RNF111: variants seen among roughly 807,000 people sequenced by gnomAD.
The protein encoded by RNF111 is ring finger protein 111, also known as E3 ubiquitin-protein ligase Arkadia.
A neutral mutation model predicts 95.1 loss-of-function variants in RNF111; 17 were observed. The observed-to-expected ratio is 0.18, with a 90% CI of 0.12 to 0.27. The LOEUF (loss-of-function observed/expected upper bound fraction) is 0.27, where lower values mean the gene tolerates loss of function less well. Ranked by LOEUF, RNF111 falls within the 10% of genes least tolerant of loss-of-function variation. The pLI is 1.00. For synonymous variants in RNF111, 440 were observed against 414.8 expected, an observed-to-expected ratio of 1.06 and a Z score of -0.74; for missense variants, 1,189 against 1,210.4, an observed-to-expected ratio of 0.98 and a Z score of 0.26.
At chr15:59,092,011 G>A (rs1019897455) in intron 12 of RNF111, among the ~76,000 whole-genome samples, 2 of 152,198 alleles carry the variant, frequency 1.3e-5, no homozygotes, top group Admixed American at 6.5e-5. Context: ...CTGGTTTGCA[G>A]CCCAGGGGTT....
At chr15:59,060,003 C>G (rs181715548) in intron 5 of RNF111, among the ~76,000 whole-genome samples, 1 of 152,092 alleles carries the variant, frequency 6.6e-6, no homozygotes, top group Non-Finnish European at 1.5e-5. Flanking sequence ...AGTATTCTCT[C>G]CCCTGGAAAA....
intron 6 of RNF111, among the ~76,000 whole-genome samples, 160 bp from the exon 7 acceptor site, chr15:59,075,794 T>G (rs753120680): frequency 2.6e-5 from 4 of 152,212 alleles, no homozygotes; most frequent in Non-Finnish European, 5.9e-5. Flanking sequence ...TAACCAAGTA[T>G]TTTGTTGGTG....
chr15:59,091,715 C>T lies in RNF111; in HGVS notation c.2739+561C>T, dbSNP rs149583828. On this transcript the variant is annotated intron_variant, in intron 12 of 13. Coordinates refer to ENST00000348370, the MANE Select transcript of RNF111 (RefSeq NM_017610.8). Reference sequence around the variant, plus strand: ...TGTCTTAAACCATGCTCAATACCAACGGTCCCCAACCTTTTTGACACCAGG... The same window carrying T: ...TGTCTTAAACCATGCTCAATACCAATGGTCCCCAACCTTTTTGACACCAGG... 4.6e-4 allele frequency among the ~76,000 whole-genome samples: 70 copies of T among 152,284 alleles called. No homozygotes were observed. In the East Asian group the frequency reaches 6.4e-3, roughly 14 times the overall value.
chr15:59,019,173 A>G (rs2040214650), intron 1 of RNF111, among the ~76,000 whole-genome samples: 1 of 150,148 alleles, frequency 6.7e-6, no homozygotes, highest in Admixed American at 6.6e-5. Context: ...CCCTGGGCTC[A>G]AGTGATCCAC....
intron 6 of RNF111, among the ~76,000 whole-genome samples, chr15:59,069,387 G>C (rs1309049824): frequency 1.3e-5 from 2 of 152,100 alleles, no homozygotes; most frequent in Non-Finnish European, 2.9e-5. Flanking sequence ...GGGTCTACCA[G>C]CTTTTCCTAC....
intron 4 of RNF111, among the ~76,000 whole-genome samples, chr15:59,056,761 A>G (rs1157079636): frequency 6.6e-6 from 1 of 152,190 alleles, no homozygotes; most frequent in Non-Finnish European, 1.5e-5. Flanking sequence ...AGCACTGTAA[A>G]TGATCTGTAA....
rs767750345 is a variant in RNF111, at chr15:59,031,446, G to C, written c.624G>C (p.Arg208=). ...CCTGTTTACATGGCAGTTCGTTACGGAGACTTCCATGCAGAAAGAGATTTG... is the reference window on the plus strand; with the variant it reads ...CCTGTTTACATGGCAGTTCGTTACGCAGACTTCCATGCAGAAAGAGATTTG... ...KRPCLHGSSL[R]RLPCRKRFVK... Residue 208 remains arginine, a synonymous_variant, in exon 2 of 14, where the codon CGG becomes CGC. Coordinates refer to ENST00000348370, the MANE Select transcript of RNF111 (RefSeq NM_017610.8). The C allele has an allele frequency of 5.0e-6, 8 of 1,614,200 alleles. No individual in the cohort carries two copies. The South Asian group carries it at 8.8e-5, about 18-fold the overall frequency.
chr15:59,051,685 C>T (rs971026478), intron 2 of RNF111, among the ~76,000 whole-genome samples: 6 of 151,502 alleles, frequency 4.0e-5, no homozygotes, highest in African/African-American at 1.5e-4. Flanking sequence ...ATGAGAATCA[C>T]TTGAACCCAG....
intron 3 of RNF111, among the ~76,000 whole-genome samples, chr15:59,053,856 A>G (rs1319003064): frequency 6.9e-6 from 1 of 145,184 alleles, no homozygotes; most frequent in Non-Finnish European, 1.5e-5. Flanking sequence ...TACATGACCC[A>G]TTGTTATATC....
In RNF111 at chr15:59,084,155, A is replaced by G; in HGVS notation, c.2324A>G (p.His775Arg). 6.2e-7 allele frequency: 1 copy of G among 1,608,086 alleles called. No individual in the cohort carries two copies. Among genetic ancestry groups the G allele is most frequent in the Non-Finnish European group, 8.5e-7 (1 of 1,177,298 alleles). The part of the protein sequence containing the change: ...PTRAHERPPP[H>R]PHRMHPNYGH... ...CGGGCACATGAACGCCCCCCACCCC[A>G]TCCACATAGGATGCACCCAAACTAT... Residue 775 changes from histidine (H) to arginine (R), a missense_variant, in exon 9 of 14, where the codon CAT becomes CGT. Physicochemically the swap from His to Arg is conservative, Grantham distance 29. Transcript: ENST00000348370.
chr15:59,003,774 T>C (rs2039425772), intron 1 of RNF111, among the ~76,000 whole-genome samples: 1 of 152,218 alleles, frequency 6.6e-6, no homozygotes. Flanking sequence ...GTAATTTCCA[T>C]GAGAGCAAAG....
At chr15:59,072,544 C>T (rs1373056567) in intron 6 of RNF111, among the ~76,000 whole-genome samples, 1 of 150,208 alleles carries the variant, frequency 6.7e-6, no homozygotes, top group Admixed American at 6.6e-5. Context: ...AGCTCCACCT[C>T]CCAGGTTCAT....
intron 1 of RNF111, among the ~76,000 whole-genome samples, chr15:59,011,974 A>G (rs572955501): frequency 4.1e-5 from 5 of 121,614 alleles, no homozygotes; most frequent in African/African-American, 6.3e-5. Flanking sequence ...TAAGTGGCTT[A>G]ATTTTAGTGT....
chr15:59,089,657 G>T lies in RNF111; in HGVS notation c.2551-10G>T. 6.2e-7 allele frequency: 1 copy of T among 1,603,172 alleles called. No individual in the cohort carries two copies. The highest frequency in any genetic ancestry group is 8.5e-7 in the Non-Finnish European group (1 of 1,171,164). ...AAAATTGATTTAGCCTATCTCTTCT[G>T]TTGAAATAGGTTCCTGATATGGCAG... is the stretch of plus-strand genomic sequence containing the variant. On this transcript the variant is annotated splice_polypyrimidine_tract_variant and intron_variant, in intron 10 of 13. Coordinates refer to ENST00000348370, the MANE Select transcript of RNF111 (RefSeq NM_017610.8).
chr15:59,008,323 TCCTCCTGCCTCAG>T (rs2039634872), intron 1 of RNF111, among the ~76,000 whole-genome samples: 1 of 152,174 alleles, frequency 6.6e-6, no homozygotes, highest in African/African-American at 2.4e-5. Flanking sequence ...GCTCAAGCGA[TCCTCCTGCCTCAG>T]CCTCCTGAGT....
chr15:59,062,684 G>A (rs1465174153), intron 5 of RNF111, among the ~76,000 whole-genome samples: 1 of 152,166 alleles, frequency 6.6e-6, no homozygotes, highest in Non-Finnish European at 1.5e-5. Flanking sequence ...ACAGTAACCA[G>A]TAAGGCAGAT....
chr15:59,051,625 C>T (rs1335951471), intron 2 of RNF111, among the ~76,000 whole-genome samples: 1 of 151,232 alleles, frequency 6.6e-6, no homozygotes, highest in Non-Finnish European at 1.5e-5. Context: ...AAAAATTAGC[C>T]TGGTGTGGTG....
At chr15:59,070,008 C>G (rs1443306188) in intron 6 of RNF111, among the ~76,000 whole-genome samples, 1 of 143,298 alleles carries the variant, frequency 7.0e-6, no homozygotes, top group African/African-American at 2.6e-5. Flanking sequence ...TCCCCACCCC[C>G]CAACCCCACC....
At chr15:59,083,172 C>T (rs1247111092) in intron 8 of RNF111, among the ~76,000 whole-genome samples, 1 of 151,862 alleles carries the variant, frequency 6.6e-6, no homozygotes, top group Non-Finnish European at 1.5e-5. Context: ...AAAATGAATC[C>T]CTGAAACTAA....
Sources: allele counts gnomAD v4.1 joint callset (sites outside exome capture counted in the v4.1 genomes callset), GRCh38; gene constraint gnomAD v4.1.1; transcripts MANE v1.5; gene names NCBI Gene and HGNC (gene_info 2026-07-23, HGNC 2026-07-21).